Variants in CNTN1 observed in about 807,000 individuals in gnomAD.
CNTN1 encodes contactin-1.
A neutral mutation model predicts 126.4 loss-of-function variants in CNTN1; 38 were observed. The observed-to-expected ratio is 0.30, with a 90% CI of 0.23 to 0.39. CNTN1 has a LOEUF of 0.39. CNTN1 is among the 10% of genes least tolerant of loss of function. The pLI is 1.00. For synonymous variants in CNTN1, 413 were observed against 422.6 expected (o/e 0.98, Z 0.28); for missense variants, 1,009 against 1,248.4 (o/e 0.81, Z 2.89).
At chr12:40,945,931 C>T (rs1229513473) in intron 14 of CNTN1, among the ~76,000 whole-genome samples, 5 of 152,078 alleles carry the variant, frequency 3.3e-5, no homozygotes, top group Non-Finnish European at 5.9e-5. Context: ...GGTTTCAGTT[C>T]ATTCCATCAA....
At chr12:41,044,672 G>T (rs929176918) in intron 23 of CNTN1, among the ~76,000 whole-genome samples, 2 of 152,006 alleles carry the variant, frequency 1.3e-5, no homozygotes, top group African/African-American at 4.8e-5. Flanking sequence ...ACTAAAATTG[G>T]AATCTAGCAT....
chr12:40,907,424 T>C (rs1326272537), intron 1 of CNTN1, among the ~76,000 whole-genome samples: 3 of 152,226 alleles, frequency 2.0e-5, no homozygotes, highest in Non-Finnish European at 4.4e-5. Flanking sequence ...TGAGTCTTCA[T>C]AGCTACATGC....
intron 15 of CNTN1, among the ~76,000 whole-genome samples, chr12:40,964,299 G>C (rs568324631): frequency 6.6e-6 from 1 of 152,192 alleles, no homozygotes; most frequent in African/African-American, 2.4e-5. Flanking sequence ...AAACGACTTT[G>C]CTATCTAAAC....
intron 1 of CNTN1, among the ~76,000 whole-genome samples, chr12:40,759,468 T>G (rs1938752269): frequency 6.7e-6 from 1 of 149,908 alleles, no homozygotes; most frequent in South Asian, 2.2e-4. Flanking sequence ...CCCTTTCCCT[T>G]TCTCTTTCTC....
chr12:40,895,848 C>T (rs193170499), intron 1 of CNTN1: 4,277 of 151,340 alleles, frequency 0.028, 89 homozygotes, highest in Middle Eastern at 0.051. Flanking sequence ...AGCTCCGCCT[C>T]CCGGGTTCAC....
chr12:40,938,705 G>T (rs563015769), intron 11 of CNTN1, among the ~76,000 whole-genome samples: 2 of 152,160 alleles, frequency 1.3e-5, no homozygotes, highest in Non-Finnish European at 2.9e-5. Flanking sequence ...TTTCCTTGTG[G>T]AATTGAGTCA....
At chr12:40,949,938 G>A (rs1464569281) in intron 14 of CNTN1, among the ~76,000 whole-genome samples, 7 of 151,978 alleles carry the variant, frequency 4.6e-5, no homozygotes, top group South Asian at 2.1e-4. Flanking sequence ...AAACGAGGAC[G>A]GTTGGGCAAT....
At chr12:41,020,263 T>C (rs1205925038) in intron 19 of CNTN1, 74 bp from the exon 20 acceptor site, 12 of 935,504 alleles carry the variant, frequency 1.3e-5, no homozygotes, top group South Asian at 7.2e-5. Flanking sequence ...ATCATTCATA[T>C]AGCAAATGAT....
intron 1 of CNTN1, among the ~76,000 whole-genome samples, chr12:40,816,219 G>A (rs147565252): frequency 0.023 from 3,460 of 152,252 alleles, 126 homozygotes; most frequent in African/African-American, 0.078. Flanking sequence ...AGTTTCAGAA[G>A]GAATGGTACT....
chr12:40,956,277 C>A (rs1946877833), intron 14 of CNTN1, among the ~76,000 whole-genome samples: 1 of 152,090 alleles, frequency 6.6e-6, no homozygotes, highest in Non-Finnish European at 1.5e-5. Flanking sequence ...CACAGGGATA[C>A]AACATGTCTG....
chr12:41,025,085 G>C, intron 20 of CNTN1, 65 bp from the exon 21 acceptor site: 5 of 1,521,962 alleles, frequency 3.3e-6, no homozygotes, highest in Non-Finnish European at 4.5e-6. Flanking sequence ...ACCAGTTGAA[G>C]AGAACTTTTC....
intron 1 of CNTN1, among the ~76,000 whole-genome samples, chr12:40,789,224 G>A (rs1022235086): frequency 1.3e-5 from 2 of 152,144 alleles, no homozygotes; most frequent in Admixed American, 6.6e-5. Flanking sequence ...GGCAAGGAAA[G>A]GAGATGAATT....
intron 4 of CNTN1, among the ~76,000 whole-genome samples, chr12:40,920,498 G>GA (rs62731760): frequency 2.0e-5 from 3 of 150,010 alleles, no homozygotes; most frequent in African/African-American, 4.9e-5. Context: ...CATTTGACAG[G>GA]AAAAAAAAAA....
intron 1 of CNTN1, among the ~76,000 whole-genome samples, chr12:40,822,600 A>G (rs1248686093): frequency 6.6e-6 from 1 of 152,118 alleles, no homozygotes; most frequent in African/African-American, 2.4e-5. Flanking sequence ...TTAAAGTGTG[A>G]TATAACGTAA....
At chr12:40,924,278 A>T (rs1468170748) in intron 5 of CNTN1, among the ~76,000 whole-genome samples, 1 of 152,184 alleles carries the variant, frequency 6.6e-6, no homozygotes, top group Non-Finnish European at 1.5e-5. Flanking sequence ...AGTCTGAAAC[A>T]AAAGTCTTCA....
chr12:40,821,279 C>A lies in CNTN1; in HGVS notation c.-76-87078C>A, dbSNP rs564056176. ...GAGACAGATTGGCAGGTATCCAAAG[C>A]TATTTGGTGACTCTCATGGGGCAGA... On this transcript the variant is annotated intron_variant, in intron 1 of 23. Transcript: ENST00000551295. 2.0e-5 allele frequency among the ~76,000 whole-genome samples: 3 copies of A among 152,274 alleles called. No individual in the cohort carries two copies. In the South Asian group the frequency reaches 6.2e-4, roughly 32 times the overall value.
chr12:40,868,524 A>G (rs1286562611), intron 1 of CNTN1, among the ~76,000 whole-genome samples: 1 of 152,066 alleles, frequency 6.6e-6, no homozygotes, highest in Non-Finnish European at 1.5e-5. Context: ...GATGCTGAAA[A>G]CTGACCTCAG....
intron 9 of CNTN1, among the ~76,000 whole-genome samples, chr12:40,934,350 G>A (rs954876771): frequency 6.6e-6 from 1 of 151,312 alleles, no homozygotes; most frequent in Non-Finnish European, 1.5e-5. Context: ...TCATGAATTT[G>A]TATTTTTAAC....
intron 23 of CNTN1, chr12:41,062,027 G>T: frequency 5.3e-6 from 1 of 190,198 alleles, no homozygotes; most frequent in Non-Finnish European, 1.1e-5. Context: ...AGATATTTTA[G>T]GGAAAAAACA....
Sources: allele counts gnomAD v4.1 joint callset (sites outside exome capture counted in the v4.1 genomes callset), GRCh38; gene constraint gnomAD v4.1.1; transcripts MANE v1.5; gene names NCBI Gene and HGNC (gene_info 2026-07-23, HGNC 2026-07-21).